The following CEP128 variants were observed in gnomAD, a reference collection of about 807,000 sequenced individuals.
CEP128 encodes the protein centrosomal protein 128.
CEP128 carries 132 observed loss-of-function variants against 156.7 expected under a neutral mutation model. The observed-to-expected ratio is 0.84, with a 90% CI of 0.73 to 0.97. The LOEUF (loss-of-function observed/expected upper bound fraction) is 0.97. CEP128 is among the 50% of genes least tolerant of loss of function. The probability of loss-of-function intolerance (pLI) is 0.00; values close to 1 mark genes in which losing one functional copy is unlikely to be tolerated. For missense variants in CEP128, 1,252 were observed against 1,281.9 expected (o/e 0.98, Z 0.36); for synonymous variants, 469 against 448.9 (o/e 1.04, Z -0.57).
At chr14:80,793,857 A>T (rs1595409134) in intron 13 of CEP128, among the ~76,000 whole-genome samples, 1 of 152,222 alleles carries the variant, frequency 6.6e-6, no homozygotes, top group Non-Finnish European at 1.5e-5. Context: ...AGAATAAGTA[A>T]ATATCTATTT....
intron 2 of CEP128, among the ~76,000 whole-genome samples, chr14:80,948,092 A>G (rs1377513988): frequency 6.6e-6 from 1 of 152,196 alleles, no homozygotes; most frequent in Non-Finnish European, 1.5e-5. Context: ...AATTCCCCCA[A>G]ATCTTGATTA....
chr14:80,702,424 C>T (rs977218098), intron 19 of CEP128, among the ~76,000 whole-genome samples: 2 of 152,106 alleles, frequency 1.3e-5, no homozygotes, highest in Non-Finnish European at 2.9e-5. Context: ...CATTCCTCAC[C>T]ATATTCTTAT....
At chr14:80,636,535 G>T (rs1001466214) in intron 19 of CEP128, among the ~76,000 whole-genome samples, 1 of 152,000 alleles carries the variant, frequency 6.6e-6, no homozygotes, top group African/African-American at 2.4e-5. Flanking sequence ...TCCTCTTCTA[G>T]TTTTCTCTCT....
At chr14:80,776,569 T>A (rs1900806171) in intron 16 of CEP128, among the ~76,000 whole-genome samples, 1 of 148,660 alleles carries the variant, frequency 6.7e-6, no homozygotes, top group Non-Finnish European at 1.5e-5. Context: ...ATATTAATAG[T>A]AGCAACATCT....
intron 19 of CEP128, among the ~76,000 whole-genome samples, chr14:80,590,196 G>A (rs994637390): frequency 1.3e-5 from 2 of 152,104 alleles, no homozygotes; most frequent in Non-Finnish European, 2.9e-5. Context: ...GCAAGCATGT[G>A]TTTACACACC....
downstream of CEP128, among the ~76,000 whole-genome samples, chr14:80,492,900 AT>A (rs1029078450): frequency 4.6e-5 from 7 of 151,978 alleles, no homozygotes; most frequent in African/African-American, 1.7e-4. Flanking sequence ...CCCTCAGAAT[AT>A]TTTTTTACTT....
intron 19 of CEP128, among the ~76,000 whole-genome samples, chr14:80,678,433 C>A (rs942817997): frequency 3.3e-5 from 5 of 151,844 alleles, no homozygotes; most frequent in Admixed American, 6.6e-5. Flanking sequence ...TTTCTCCCCC[C>A]ACAAAATGGC....
intron 19 of CEP128, among the ~76,000 whole-genome samples, chr14:80,665,769 T>C (rs1272754221): frequency 6.6e-6 from 1 of 152,004 alleles, no homozygotes; most frequent in Admixed American, 6.5e-5. Context: ...TGAATCAAGA[T>C]GGCTAAGAAA....
In CEP128 at chr14:80,550,226, A is replaced by C. The variant is rs57127927; in HGVS notation, c.2880+9053T>G. Among the ~76,000 whole-genome samples, 1,014 of 152,308 alleles carry C rather than the reference A, an allele frequency of 6.7e-3. 11 individuals are homozygous for C. Among genetic ancestry groups the C allele is most frequent in the Middle Eastern group, 0.024 (7 of 294 alleles). On this transcript the variant is annotated intron_variant, in intron 21 of 24. Coordinates refer to ENST00000555265, the MANE Select transcript of CEP128 (RefSeq NM_152446.5). The stretch of plus-strand genomic sequence containing the variant: ...GTATGTTTTGAAAATAAGGGAGATA[A>C]GATTTTTTAAGTATTTGGGAAGCTG...
intron 23 of CEP128, among the ~76,000 whole-genome samples, chr14:80,522,789 T>C (rs1220168715): frequency 6.6e-6 from 1 of 152,204 alleles, no homozygotes; most frequent in Non-Finnish European, 1.5e-5. Flanking sequence ...AGAAACCCAA[T>C]TAGGCTTGAT....
chr14:80,778,677 T>C (rs1900933756), intron 15 of CEP128, among the ~76,000 whole-genome samples: 1 of 152,200 alleles, frequency 6.6e-6, no homozygotes, highest in South Asian at 2.1e-4. Flanking sequence ...TGTAGTACAA[T>C]ATCTATTTAT....
intron 13 of CEP128, among the ~76,000 whole-genome samples, chr14:80,798,373 G>A (rs1381143703): frequency 1.3e-5 from 2 of 152,218 alleles, no homozygotes; most frequent in South Asian, 4.1e-4. Flanking sequence ...GGCACACGAA[G>A]TGAAGTCCAG....
intron 19 of CEP128, among the ~76,000 whole-genome samples, chr14:80,686,260 A>T (rs1352356480): frequency 6.6e-6 from 1 of 152,106 alleles, no homozygotes. Context: ...AAGCAAAAAG[A>T]GACTGGGGGC....
intron 13 of CEP128, among the ~76,000 whole-genome samples, chr14:80,812,928 G>T (rs145114232): frequency 1.2e-4 from 18 of 152,138 alleles, no homozygotes; most frequent in African/African-American, 4.3e-4. Flanking sequence ...GTGTGAGGTG[G>T]TATCTCCTTG....
chr14:80,931,916 T>G (rs1885489743), intron 2 of CEP128, among the ~76,000 whole-genome samples: 1 of 152,220 alleles, frequency 6.6e-6, no homozygotes, highest in Admixed American at 6.5e-5. Flanking sequence ...CTTCCTAATA[T>G]AGTCTGGCTG....
At chr14:80,715,223 A>C (rs1897560614) in intron 19 of CEP128, among the ~76,000 whole-genome samples, 2 of 148,574 alleles carry the variant, frequency 1.3e-5, no homozygotes, top group Non-Finnish European at 2.9e-5. Flanking sequence ...ATCCTGCCTC[A>C]GAAAAAAAAA....
intron 19 of CEP128, among the ~76,000 whole-genome samples, chr14:80,723,969 C>T (rs1897918948): frequency 6.6e-6 from 1 of 152,124 alleles, no homozygotes. Flanking sequence ...TAAAACAGAA[C>T]CCAGAGGGGT....
At chr14:80,914,524 T>C (rs1884436973) in intron 3 of CEP128, 116 bp from the exon 4 acceptor site, 1 of 722,208 alleles carries the variant, frequency 1.4e-6, no homozygotes, top group Non-Finnish European at 2.4e-6. Flanking sequence ...ACTTTTATCA[T>C]GGCTGAGTTG....
At chr14:80,640,928 T>C (rs1202560952) in intron 19 of CEP128, among the ~76,000 whole-genome samples, 1 of 152,196 alleles carries the variant, frequency 6.6e-6, no homozygotes, top group African/African-American at 2.4e-5. Context: ...GCCAGATAAA[T>C]ATCCAGCTCT....
Sources: gnomAD v4.1 joint callset for allele counts (sites outside exome capture counted in the v4.1 genomes callset) on GRCh38, gnomAD v4.1.1 for gene constraint, MANE v1.5 for transcripts, NCBI Gene and HGNC (gene_info 2026-07-23, HGNC 2026-07-21) for gene names.